The following PRTG variants were observed in gnomAD, a reference collection of about 807,000 sequenced individuals.
PRTG encodes protogenin.
A neutral mutation model predicts 122.5 loss-of-function variants in PRTG; 67 were observed. That is an observed-to-expected ratio of 0.55 (90% CI 0.45 to 0.67). The LOEUF (loss-of-function observed/expected upper bound fraction) is 0.67, where lower values mean the gene tolerates loss of function less well. Ranked by LOEUF, PRTG falls within the 30% of genes least tolerant of loss-of-function variation. The probability of loss-of-function intolerance (pLI) is 0.00; values close to 1 mark genes in which losing one functional copy is unlikely to be tolerated. For missense variants in PRTG, 1,435 were observed against 1,415.4 expected (o/e 1.01, Z -0.22); for synonymous variants, 554 against 501.1 (o/e 1.11, Z -1.41).
rs2059151648 is a variant in PRTG at position 55,618,785 on chromosome 15, C to G, written c.*1227G>C. Reference sequence around the variant, plus strand: ...ACATCAAAATAGTTACTGATAAAATCCAAGAAACTCTTAAGGCAACTTTTT... The same window carrying G: ...ACATCAAAATAGTTACTGATAAAATGCAAGAAACTCTTAAGGCAACTTTTT... On this transcript the variant is annotated 3_prime_UTR_variant, in exon 20 of 20. Transcript: ENST00000389286. The G allele has an allele frequency of 6.6e-6, 1 of 152,084 alleles. No individual in the cohort carries two copies. Among genetic ancestry groups the G allele is most frequent in the Non-Finnish European group, 1.5e-5 (1 of 67,990 alleles). The allele number at this position is 152,084 out of a possible 1,614,324, so 9.4% of individuals were successfully genotyped here. A position where few individuals can be genotyped will look rare whatever the true frequency, so the allele number is the denominator to read the frequency against.
intron 4 of PRTG, among the ~76,000 whole-genome samples, chr15:55,681,859 T>C (rs1179841337): frequency 2.6e-5 from 4 of 152,192 alleles, no homozygotes; most frequent in Admixed American, 6.5e-5. Flanking sequence ...AAGTGAAATA[T>C]AGCCAGCCCT....
At chr15:55,630,210 T>C (rs1332706498) in intron 15 of PRTG, among the ~76,000 whole-genome samples, 1 of 152,064 alleles carries the variant, frequency 6.6e-6, no homozygotes, top group African/African-American at 2.4e-5. Flanking sequence ...ATGGTCTCGA[T>C]CTCCTGCCCT....
At chr15:55,633,285 C>A (rs1240265307) in intron 15 of PRTG, among the ~76,000 whole-genome samples, 1 of 152,086 alleles carries the variant, frequency 6.6e-6, no homozygotes, top group African/African-American at 2.4e-5. Context: ...TCTCGGCTCA[C>A]TGCAACTGCT....
At chr15:55,698,895 C>A (rs1012573131) in intron 2 of PRTG, among the ~76,000 whole-genome samples, 1 of 152,000 alleles carries the variant, frequency 6.6e-6, no homozygotes, top group African/African-American at 2.4e-5. Context: ...GGGGGAGATT[C>A]ATTTGGGCAT....
chr15:55,721,202 C>T (rs2030810806), intron 2 of PRTG, among the ~76,000 whole-genome samples: 1 of 152,168 alleles, frequency 6.6e-6, no homozygotes, highest in Admixed American at 6.5e-5. Flanking sequence ...CATTCATCCC[C>T]TTGCCAGTGC....
intron 11 of PRTG, among the ~76,000 whole-genome samples, chr15:55,669,995 G>T (rs1282174983): frequency 6.6e-6 from 1 of 152,090 alleles, no homozygotes. Context: ...AAAAACAAGG[G>T]CAGGAATATA....
At chr15:55,684,112 A>G (rs1346581429) in intron 2 of PRTG, among the ~76,000 whole-genome samples, 181 bp from the exon 3 acceptor site, 2 of 152,256 alleles carry the variant, frequency 1.3e-5, no homozygotes, top group East Asian at 3.8e-4. Flanking sequence ...CAGTTGCCCA[A>G]TTTACGAAGT....
intron 2 of PRTG, among the ~76,000 whole-genome samples, chr15:55,731,276 T>C (rs1595683504): frequency 6.6e-6 from 1 of 152,198 alleles, no homozygotes; most frequent in Non-Finnish European, 1.5e-5. Context: ...TATTTTAATC[T>C]GAGTTACTTT....
Position 55,672,446 on chromosome 15 carries a change from T to G in PRTG, c.2040A>C (p.Leu680Phe). The change falls in exon 11 of 20, where the codon TTA becomes TTC. Residue 680 changes from leucine (L) to phenylalanine (F), a missense_variant and splice_region_variant. Leu to Phe is a conservative substitution (Grantham distance 22). Transcript: ENST00000389286. Reference protein sequence around the residue: ...TKDLLYTLSGLDPRRKYHVRL... With the variant: ...TKDLLYTLSGFDPRRKYHVRL... ...AAAATACAGTACAAACTCACTCACCTAAGCCACTGAGAGTATAGAGTAGGT... is the reference window on the plus strand; with the variant it reads ...AAAATACAGTACAAACTCACTCACCGAAGCCACTGAGAGTATAGAGTAGGT... The G allele has an allele frequency of 6.2e-7, 1 of 1,611,846 alleles. No homozygotes were observed. Among genetic ancestry groups the G allele is most frequent in the Non-Finnish European group, 8.5e-7 (1 of 1,178,938 alleles).
intron 2 of PRTG, among the ~76,000 whole-genome samples, chr15:55,726,179 A>G (rs1180676201): frequency 6.6e-6 from 1 of 152,088 alleles, no homozygotes; most frequent in Admixed American, 6.6e-5. Flanking sequence ...TTGACCTCGT[A>G]ATCCAACCGC....
Position 55,740,633 on chromosome 15 carries a change from G to A in PRTG, c.146C>T (p.Thr49Ile). The A allele has an allele frequency of 1.2e-6, 2 of 1,614,076 alleles. No homozygotes were observed. Among genetic ancestry groups the A allele is most frequent in the East Asian group, 2.2e-5 (1 of 44,888 alleles). Residue 49 changes from threonine (T) to isoleucine (I), a missense_variant, in exon 2 of 20, where the codon ACT (threonine) becomes ATT (isoleucine). By Grantham distance (89) the Thr-to-Ile change is moderately conservative (BLOSUM62 -1). Transcript: ENST00000389286. ...AACGACTGGGTCCTTTCTTGTGACAGTTACATCCTGTGGTTCTTTTACAAA... is the reference window on the plus strand; with the variant it reads ...AACGACTGGGTCCTTTCTTGTGACAATTACATCCTGTGGTTCTTTTACAAA... ...LSFVKEPQDV[T>I]VTRKDPVVLD...
intron 9 of PRTG, among the ~76,000 whole-genome samples, chr15:55,674,255 TTC>T (rs1216071069): frequency 2.6e-5 from 4 of 152,204 alleles, no homozygotes; most frequent in Non-Finnish European, 5.9e-5. Context: ...TAGAGTTAGC[TTC>T]TCTGTGTCTG....
intron 2 of PRTG, among the ~76,000 whole-genome samples, chr15:55,724,322 G>T (rs1475653010): frequency 2.6e-5 from 4 of 152,136 alleles, no homozygotes; most frequent in African/African-American, 9.7e-5. Context: ...CCTTCAATCA[G>T]TGTCAGTATT....
rs1281586268 is a variant in PRTG, at chr15:55,624,377, G to A, written c.3058C>T (p.Pro1020Ser). 5 of 1,614,006 alleles carry A rather than the reference G, an allele frequency of 3.1e-6. No individual in the cohort carries two copies. The highest frequency in any genetic ancestry group is 2.2e-5 in the East Asian group (1 of 44,880). The change falls in exon 18 of 20, where the codon CCA (proline) becomes TCA (serine). Residue 1020 changes from proline (P) to serine (S), a missense_variant. Physicochemically the swap from Pro to Ser is moderately conservative, Grantham distance 74. Coordinates refer to ENST00000389286, the MANE Select transcript of PRTG (RefSeq NM_173814.6). ...ATGAAGCTGTTTGGCATGATCATTG[G>A]CATTAAAGATTCTTCATTTCCTACA... ...GAVGNEESLM[P>S]MIMPNSFIDA... is the part of the protein sequence containing the mutation.
intron 2 of PRTG, among the ~76,000 whole-genome samples, chr15:55,739,771 G>C (rs535191854): frequency 6.6e-6 from 1 of 152,250 alleles, no homozygotes; most frequent in Admixed American, 6.5e-5. Flanking sequence ...TGACAAAAGG[G>C]AAAAAGTGAG....
intron 15 of PRTG, among the ~76,000 whole-genome samples, chr15:55,630,036 G>C (rs985932083): frequency 2.0e-5 from 3 of 148,266 alleles, no homozygotes; most frequent in Non-Finnish European, 4.4e-5. Context: ...GCCCAGGCTA[G>C]AGTGCAGCGG....
intron 8 of PRTG, among the ~76,000 whole-genome samples, chr15:55,676,085 G>A (rs1367427005): frequency 1.3e-5 from 2 of 151,996 alleles, no homozygotes; most frequent in African/African-American, 2.4e-5. Flanking sequence ...AGAGACAGTA[G>A]GGAATGTAAT....
chr15:55,707,014 T>C (rs926590853), intron 2 of PRTG, among the ~76,000 whole-genome samples: 3 of 152,224 alleles, frequency 2.0e-5, no homozygotes, highest in African/African-American at 7.2e-5. Flanking sequence ...GTGACTTGCA[T>C]GGACTTTACT....
At chr15:55,625,709 C>G (rs779021905) in intron 17 of PRTG, among the ~76,000 whole-genome samples, 2 of 151,506 alleles carry the variant, frequency 1.3e-5, no homozygotes, top group African/African-American at 4.9e-5. Context: ...CTGCAAGCTC[C>G]CCCTCCCGGG....
Sources: allele counts gnomAD v4.1 joint callset (sites outside exome capture counted in the v4.1 genomes callset), GRCh38; gene constraint gnomAD v4.1.1; transcripts MANE v1.5; gene names NCBI Gene and HGNC (gene_info 2026-07-23, HGNC 2026-07-21).